PAK6: variants seen among roughly 807,000 people sequenced by gnomAD.
PAK6 encodes the protein serine/threonine-protein kinase PAK 6.
PAK6 carries 33 observed loss-of-function variants against 60.8 expected under a neutral mutation model. The ratio of observed to expected loss-of-function variants is 0.54; its 90% CI spans 0.41 to 0.73. The LOEUF (loss-of-function observed/expected upper bound fraction) is 0.73. PAK6 is among the 30% of genes least tolerant of loss of function. PAK6 has a pLI of 0.00. For missense variants in PAK6, 845 were observed against 904.1 expected (o/e 0.93, Z 0.84); for synonymous variants, 404 against 378.5 (o/e 1.07, Z -0.78).
chr15:40,252,083 A>G, intron 2 of PAK6: 1 of 280,314 alleles, frequency 3.6e-6, no homozygotes, highest in Non-Finnish European at 6.8e-6. Context: ...TGCCTGCGCA[A>G]GGGGCTACCC....
chr15:40,261,130 C>T lies in PAK6; in HGVS notation c.-5-3651C>T, dbSNP rs192507749. 3.3e-3 allele frequency among the ~76,000 whole-genome samples: 495 copies of T among 151,744 alleles called. 1 individual carries two copies. Among genetic ancestry groups the T allele is most frequent in the Middle Eastern group, 6.8e-3 (2 of 292 alleles). ...ATCTCTATCTCCTGACCTCGTGATTCGCCCACCTCGGCCTCCCAAAGTGCT... is the reference window on the plus strand; with the variant it reads ...ATCTCTATCTCCTGACCTCGTGATTTGCCCACCTCGGCCTCCCAAAGTGCT... On this transcript the variant is annotated intron_variant, in intron 3 of 10. Coordinates refer to ENST00000560346, the Ensembl canonical transcript of PAK6.
At chr15:40,262,893 G>A (rs1357206738) in intron 3 of PAK6, among the ~76,000 whole-genome samples, 5 of 152,088 alleles carry the variant, frequency 3.3e-5, no homozygotes, top group African/African-American at 1.2e-4. Context: ...AATTATTAGT[G>A]GGAGACTCCC....
chr15:40,258,220 T>A (rs2038890578), intron 3 of PAK6, among the ~76,000 whole-genome samples: 2 of 152,242 alleles, frequency 1.3e-5, no homozygotes, highest in Admixed American at 6.5e-5. Flanking sequence ...TTCAGCAGGC[T>A]TCTTCCCTGG....
At chr15:40,265,277 A>G (rs35767325) in intron 4 of PAK6, among the ~76,000 whole-genome samples, 19 of 152,350 alleles carry the variant, frequency 1.2e-4, no homozygotes, top group African/African-American at 4.3e-4. Flanking sequence ...ATAGTCTTTT[A>G]GGACGTGTCC....
chr15:40,268,406 C>G (rs556358880), intron 5 of PAK6, among the ~76,000 whole-genome samples: 1 of 152,342 alleles, frequency 6.6e-6, no homozygotes, highest in East Asian at 1.9e-4. Context: ...TGCCTCCAGA[C>G]ACTGCCAAAT....
At chr15:40,242,764 C>T (rs1001141180) in intron 2 of PAK6, among the ~76,000 whole-genome samples, 6 of 152,172 alleles carry the variant, frequency 3.9e-5, no homozygotes, top group East Asian at 3.8e-4. Flanking sequence ...AGGGCTAAAG[C>T]GAGAAGAGTG....
At chr15:40,242,726 C>A (rs2038390100) in intron 2 of PAK6, among the ~76,000 whole-genome samples, 1 of 152,134 alleles carries the variant, frequency 6.6e-6, no homozygotes, top group Non-Finnish European at 1.5e-5. Context: ...CCCTCCACCC[C>A]ACCAGAGCTC....
rs779315797 is a variant in PAK6 at position 40,266,116 on chromosome 15, G to A, written c.479G>A (p.Trp160Ter). ...CCAGCAGGCCACAAGCAGATGCCGT[G>A]GCCCGAGCCACAGAGCCCACGGGTC... Residue 160 changes from tryptophan (W) to a stop codon, truncating the protein, a stop_gained, in exon 5 of 11, where the codon TGG becomes TAG. Coordinates refer to ENST00000560346, the Ensembl canonical transcript of PAK6. LOFTEE classifies it high-confidence loss of function. 1.9e-6 allele frequency: 3 copies of A among 1,607,386 alleles called. No homozygotes were observed. The highest frequency in any genetic ancestry group is 2.5e-6 in the Non-Finnish European group (3 of 1,179,374).
At chr15:40,277,304 C>A (rs2039482208) in exon 11 of PAK6, 1 of 152,372 alleles carries the variant, frequency 6.6e-6, no homozygotes, top group African/African-American at 2.4e-5. Flanking sequence ...GGTGTCTGGA[C>A]CCTTTCTATC....
chr15:40,271,494 C>T (rs2140990203), intron 5 of PAK6, among the ~76,000 whole-genome samples: 1 of 152,308 alleles, frequency 6.6e-6, no homozygotes, highest in East Asian at 1.9e-4. Context: ...GACATCTCCC[C>T]ATCCCTGGCC....
At chr15:40,256,670 CCTGGGTCA>C in intron 3 of PAK6, among the ~76,000 whole-genome samples, 1 of 152,326 alleles carries the variant, frequency 6.6e-6, no homozygotes, top group Non-Finnish European at 1.5e-5. Context: ...CACATCAGGT[CCTGGGTCA>C]GACTCGTGTC....
At chr15:40,272,253 A>G (rs747091766) in exon 6 of PAK6, 2 of 1,610,886 alleles carry the variant, frequency 1.2e-6, no homozygotes, top group South Asian at 2.2e-5. Flanking sequence ...CGCCGCAGAA[A>G]GACAACCCCC....
In PAK6 at chr15:40,268,536, C is replaced by A. The variant is rs763896934; in HGVS notation, c.858+2041C>A. Among the ~76,000 whole-genome samples, 23 of 152,336 alleles carry A rather than the reference C, an allele frequency of 1.5e-4. No homozygotes were observed. The Middle Eastern group carries it at 0.01, about 68-fold the overall frequency. On this transcript the variant is annotated intron_variant, in intron 5 of 10. Coordinates refer to ENST00000560346, the Ensembl canonical transcript of PAK6. ...TACCCCAGGAGTCCCCAGATCAAGC[C>A]AGCAGCCCTTGGCACTGGGGCTGAC...
chr15:40,244,643 C>T (rs753852630), intron 2 of PAK6, among the ~76,000 whole-genome samples: 106 of 151,968 alleles, frequency 7.0e-4, no homozygotes, highest in Non-Finnish European at 2.9e-4. Flanking sequence ...GGTGATCCGC[C>T]GACCTCAGCC....
intron 2 of PAK6, among the ~76,000 whole-genome samples, chr15:40,248,790 A>G (rs917961763): frequency 6.6e-6 from 1 of 152,146 alleles, no homozygotes; most frequent in Admixed American, 6.5e-5. Flanking sequence ...ATTTTTTTAA[A>G]ACACAAATGC....
rs748016423 is a variant in PAK6 at position 40,264,892 on chromosome 15, T to TC, written c.113dup (p.Gln39ThrfsTer82). On this transcript the variant is annotated frameshift_variant, in exon 4 of 11. Transcript: ENST00000560346. LOFTEE classifies it high-confidence loss of function. ...CCCAAAGAAGGCAAGTTTGTGGGCC[T>TC]CCCCCCACAATGGCAGAACATCCTG... 3 of 1,613,692 alleles carry TC rather than the reference T, an allele frequency of 1.9e-6. No homozygotes were observed. Among genetic ancestry groups the TC allele is most frequent in the African/African-American group, 1.3e-5 (1 of 74,990 alleles).
chr15:40,274,250 C>G, exon 10 of PAK6: 1 of 1,610,150 alleles, frequency 6.2e-7, no homozygotes, highest in South Asian at 1.1e-5. Flanking sequence ...GGACAGCCCC[C>G]CACCCAAGCT....
chr15:40,241,661 G>A (rs1435168345), intron 2 of PAK6, among the ~76,000 whole-genome samples: 3 of 152,200 alleles, frequency 2.0e-5, no homozygotes, highest in African/African-American at 7.2e-5. Context: ...GCACCTGAGA[G>A]GGGGAGTGTG....
intron 2 of PAK6, chr15:40,251,768 T>C (rs1454620279): frequency 1.3e-5 from 2 of 152,458 alleles, no homozygotes; most frequent in African/African-American, 2.4e-5. Context: ...GGGGAAGAGA[T>C]GAGTGATTCC....
Sources: allele counts gnomAD v4.1 joint callset (sites outside exome capture counted in the v4.1 genomes callset), GRCh38; gene constraint gnomAD v4.1.1; transcripts MANE v1.5; gene names NCBI Gene and HGNC (gene_info 2026-07-23, HGNC 2026-07-21).